The following CACNA1B variants were observed in gnomAD, a reference collection of about 807,000 sequenced individuals.
CACNA1B encodes the protein calcium voltage-gated channel subunit alpha1 B, also known as voltage-dependent N-type calcium channel subunit alpha-1B.
In CACNA1B, 70 loss-of-function variants were observed where a neutral mutation model predicts 247.2. The observed-to-expected ratio is 0.28, with a 90% confidence interval of 0.23 to 0.35. The LOEUF is 0.35. Among genes scored for constraint, CACNA1B ranks in the 10% least tolerant of loss-of-function variants. The probability of loss-of-function intolerance (pLI) is 1.00; values close to 1 mark genes in which losing one functional copy is unlikely to be tolerated. For missense variants in CACNA1B, 2,367 were observed against 3,197.4 expected (o/e 0.74, Z 6.26); for synonymous variants, 1,231 against 1,294.4 (o/e 0.95, Z 1.05).
rs1957912582 is a variant in CACNA1B, at chr9:137,954,011, G to A, written c.1070+1634G>A. 1.3e-5 allele frequency among the ~76,000 whole-genome samples: 2 copies of A among 152,170 alleles called. 1 individual carries two copies. Among genetic ancestry groups the A allele is most frequent in the South Asian group, 4.1e-4 (2 of 4,836 alleles). On this transcript the variant is annotated intron_variant, in intron 7 of 46. Transcript: ENST00000371372. This position sits in a 1 kb window ranked among gnomAD's most constrained non-coding sequence, Gnocchi z 4.1. ...TCTGCATCCCTCTAGGGAATGTGCA[G>A]AATAGCCTGAGGGGCTGGAGGGGAG...
At chr9:137,909,333 G>A (rs2133271548) in intron 3 of CACNA1B, among the ~76,000 whole-genome samples, 1 of 152,218 alleles carries the variant, frequency 6.6e-6, no homozygotes, top group East Asian at 1.9e-4. Context: ...GAAACTTAGT[G>A]CCTATTAAGC....
At chr9:138,111,896 G>A (rs750045537) in intron 39 of CACNA1B, among the ~76,000 whole-genome samples, 7 of 149,690 alleles carry the variant, frequency 4.7e-5, no homozygotes, top group Non-Finnish European at 7.4e-5. Flanking sequence ...CCCCTTCCCC[G>A]CTCTGCTCTC....
intron 31 of CACNA1B, among the ~76,000 whole-genome samples, chr9:138,063,696 A>G (rs1959815149): frequency 6.6e-6 from 1 of 152,164 alleles, no homozygotes; most frequent in Non-Finnish European, 1.5e-5. Flanking sequence ...TAAAGATACC[A>G]AATCTCCCAC....
At position 138,111,624 on chromosome 9, in the gene CACNA1B, C is replaced by A. The variant is rs1009496749; in HGVS notation, c.5429-774C>A. On this transcript the variant is annotated intron_variant, in intron 39 of 46. Coordinates refer to ENST00000371372, the MANE Select transcript of CACNA1B (RefSeq NM_000718.4). ...ATAGAGAATGAAAAAGGGTGACTCT[C>A]ACTGCATGTGAATTGTACCTTAATA... Among the ~76,000 whole-genome samples, 6 of 152,258 alleles carry A rather than the reference C, an allele frequency of 3.9e-5. No homozygotes were observed. The South Asian group carries it at 1.2e-3, about 32-fold the overall frequency.
rs150496046 is a variant in CACNA1B, at chr9:137,954,856, T to TTGTG, written c.1071-821_1071-818dup. Among the ~76,000 whole-genome samples, 2,515 of 120,896 alleles carry TTGTG rather than the reference T, an allele frequency of 0.021. 32 individuals are homozygous for TTGTG. The highest frequency in any genetic ancestry group is 0.029 in the Non-Finnish European group (1,802 of 61,138). 79.3% of individuals were successfully genotyped at this position (120,896 alleles called of 152,430 possible). On this transcript the variant is annotated intron_variant, in intron 7 of 46. Transcript: ENST00000371372. The surrounding 1 kb of genome is among the most constrained non-coding windows in gnomAD (Gnocchi z 4.1). ...ACACCCACTCCACCAACTCAGAAGC[T>TTGTG]TGTGTGTGTGTGTGTGTGTGTGTGA...
At position 138,014,874 on chromosome 9, in the gene CACNA1B, T is replaced by C. The variant is rs1958771170; in HGVS notation, c.2267+1639T>C. ...CCAGGTCCCTGGCAGTCATGGAGCCTGAGTCAGGCTGCCTGAAAAGGAGGC... is the reference window on the plus strand; with the variant it reads ...CCAGGTCCCTGGCAGTCATGGAGCCCGAGTCAGGCTGCCTGAAAAGGAGGC... On this transcript the variant is annotated intron_variant, in intron 18 of 46. Transcript: ENST00000371372. The surrounding 1 kb of genome is among the most constrained non-coding windows in gnomAD (Gnocchi z 6.2). Among the ~76,000 whole-genome samples, 1 of 151,954 alleles carries C rather than the reference T, an allele frequency of 6.6e-6. No individual in the cohort carries two copies. The highest frequency in any genetic ancestry group is 1.5e-5 in the Non-Finnish European group (1 of 67,956).
At chr9:138,032,908 G>T in intron 20 of CACNA1B, 2 of 298,564 alleles carry the variant, frequency 6.7e-6, no homozygotes, top group Non-Finnish European at 1.3e-5. Flanking sequence ...TCTTGAATTT[G>T]TAGGTTTATA....
chr9:138,111,827 A>C lies in CACNA1B; in HGVS notation c.5429-571A>C, dbSNP rs1056057628. Among the ~76,000 whole-genome samples the C allele has an allele frequency of 6.6e-5, 10 of 151,724 alleles. No individual in the cohort carries two copies. In the East Asian group the frequency reaches 1.9e-3, roughly 29 times the overall value. ...GGGGCTCCTTTTACCTTCAGGGCACACAGGCCTCCTCGGGAGACTGATGGC... is the reference window on the plus strand; with the variant it reads ...GGGGCTCCTTTTACCTTCAGGGCACCCAGGCCTCCTCGGGAGACTGATGGC... On this transcript the variant is annotated intron_variant, in intron 39 of 46. Transcript: ENST00000371372.
rs200226511 is a variant in CACNA1B, at chr9:138,102,813, C to T, written c.5319+6C>T. ...CTGCTCGAGTTGCTTACAAGGTAGACCCTGACCCTGCAACCCGCCCCCCAG... is the reference window on the plus strand; with the variant it reads ...CTGCTCGAGTTGCTTACAAGGTAGATCCTGACCCTGCAACCCGCCCCCCAG... On this transcript the variant is annotated splice_donor_region_variant and intron_variant, in intron 38 of 46. Coordinates refer to ENST00000371372, the MANE Select transcript of CACNA1B (RefSeq NM_000718.4). This position sits in a 1 kb window ranked among gnomAD's most constrained non-coding sequence, Gnocchi z 5.4. 4 of 1,585,706 alleles carry T rather than the reference C, an allele frequency of 2.5e-6. No homozygotes were observed. The highest frequency in any genetic ancestry group is 3.5e-6 in the Non-Finnish European group (4 of 1,156,162).
intron 15 of CACNA1B, among the ~76,000 whole-genome samples, chr9:137,989,334 G>A (rs960257412): frequency 1.3e-5 from 2 of 152,176 alleles, no homozygotes; most frequent in Non-Finnish European, 2.9e-5. Context: ...TGAGCCGGAG[G>A]ATGTGGTGGG....
At chr9:137,883,455 A>G (rs2133223324) in intron 3 of CACNA1B, among the ~76,000 whole-genome samples, 1 of 152,074 alleles carries the variant, frequency 6.6e-6, no homozygotes, top group African/African-American at 2.4e-5. Context: ...ACTTACCCTA[A>G]CAACAGCTTG....
Position 138,057,492 on chromosome 9 carries a change from C to CT in CACNA1B, c.3969-239dup, listed in dbSNP as rs1456359293. Among the ~76,000 whole-genome samples, 1 of 152,178 alleles carries CT rather than the reference C, an allele frequency of 6.6e-6. No homozygotes were observed. Among genetic ancestry groups the CT allele is most frequent in the Non-Finnish European group, 1.5e-5 (1 of 68,030 alleles). On this transcript the variant is annotated intron_variant, in intron 26 of 46. Transcript: ENST00000371372. This position sits in a 1 kb window ranked among gnomAD's most constrained non-coding sequence, Gnocchi z 4.0. ...CACGAAGTTTTGCCCCCGTTTTCCT[C>CT]TAAGTGTTTTATAGTTTTAGCTCCT...
At chr9:138,119,914 G>T (rs1962019963) in intron 44 of CACNA1B, among the ~76,000 whole-genome samples, 1 of 152,168 alleles carries the variant, frequency 6.6e-6, no homozygotes, top group African/African-American at 2.4e-5. Flanking sequence ...TCCACTCAGG[G>T]TTCTTCCAAC....
At chr9:138,112,329 C>A in intron 39 of CACNA1B, 69 bp from the exon 40 acceptor site, 3 of 1,082,714 alleles carry the variant, frequency 2.8e-6, no homozygotes, top group South Asian at 1.3e-5. Context: ...AGCTCTGCCC[C>A]ATTGGCGGCT....
chr9:138,007,474 T>C lies in CACNA1B; in HGVS notation c.2092+590T>C, dbSNP rs1958667441. On this transcript the variant is annotated intron_variant, in intron 16 of 46. Coordinates refer to ENST00000371372, the MANE Select transcript of CACNA1B (RefSeq NM_000718.4). This position sits in a 1 kb window ranked among gnomAD's most constrained non-coding sequence, Gnocchi z 4.1. ...AAGATCTGGAGGGAGAACTACAGCA[T>C]TCGTGGTATAGGCAAGGGTGAGGGC... Among the ~76,000 whole-genome samples, 1 of 152,094 alleles carries C rather than the reference T, an allele frequency of 6.6e-6. No homozygotes were observed. The highest frequency in any genetic ancestry group is 2.1e-4 in the South Asian group (1 of 4,834).
At chr9:137,936,867 G>C (rs979569954) in intron 6 of CACNA1B, among the ~76,000 whole-genome samples, 1 of 152,212 alleles carries the variant, frequency 6.6e-6, no homozygotes, top group African/African-American at 2.4e-5. Context: ...GTACCATGCT[G>C]TTTTGGTTAC....
chr9:137,947,974 CCT>C (rs1957816333), intron 6 of CACNA1B, among the ~76,000 whole-genome samples: 2 of 128,876 alleles, frequency 1.6e-5, no homozygotes, highest in Admixed American at 1.5e-4. Flanking sequence ...TTTCAGCATT[CCT>C]TTTTTTTTTT....
At position 138,108,493 on chromosome 9, in the gene CACNA1B, A is replaced by G. The variant is rs1247235846; in HGVS notation, c.5428+2686A>G. On this transcript the variant is annotated intron_variant, in intron 39 of 46. Transcript: ENST00000371372. The stretch of plus-strand genomic sequence containing the variant: ...CTGTATAGACTCTTCCAAAAAGTGG[A>G]AAAAGGGAATATTTTCCAACTTATT... Among the ~76,000 whole-genome samples, 3 of 152,304 alleles carry G rather than the reference A, an allele frequency of 2.0e-5. No homozygotes were observed. In the South Asian group the frequency reaches 6.2e-4, roughly 32 times the overall value.
At chr9:138,119,593 C>T (rs1202128955) in intron 44 of CACNA1B, among the ~76,000 whole-genome samples, 2 of 152,220 alleles carry the variant, frequency 1.3e-5, no homozygotes, top group Non-Finnish European at 2.9e-5. Flanking sequence ...ACTGCCTCTC[C>T]TCCCTCTTAG....
Sources: allele counts gnomAD v4.1 joint callset (sites outside exome capture counted in the v4.1 genomes callset), GRCh38; gene constraint gnomAD v4.1.1; non-coding constraint Gnocchi (gnomAD v3.1); transcripts MANE v1.5; gene names NCBI Gene and HGNC (gene_info 2026-07-23, HGNC 2026-07-21).